Variants in MYLK4 observed in about 807,000 individuals in gnomAD.
MYLK4 encodes myosin light chain kinase family member 4.
In MYLK4, 46 loss-of-function variants were observed where a neutral mutation model predicts 48.1. The ratio of observed to expected loss-of-function variants is 0.96; its 90% confidence interval spans 0.75 to 1.22. The LOEUF (loss-of-function observed/expected upper bound fraction) is 1.22, where lower values mean the gene tolerates loss of function less well. Among genes scored for constraint, MYLK4 ranks in the 50% most tolerant of loss-of-function variants. The pLI is 0.00. For synonymous variants in MYLK4, 170 were observed against 180.8 expected, an observed-to-expected ratio of 0.94 and a Z score of 0.48; for missense variants, 451 against 486.1, an observed-to-expected ratio of 0.93 and a Z score of 0.68.
intron 2 of MYLK4, among the ~76,000 whole-genome samples, chr6:2,702,143 G>A (rs1020466841): frequency 5.9e-5 from 9 of 152,188 alleles, no homozygotes; most frequent in African/African-American, 1.9e-4. Flanking sequence ...CAGGACTCCC[G>A]CTGGAGCTCA....
the MYLK4 span, chr6:2,766,028 A>AG: frequency 7.6e-7 from 1 of 1,318,422 alleles, no homozygotes; most frequent in Non-Finnish European, 9.6e-7. Flanking sequence ...CAGCCCCGGG[A>AG]GGAAGGGGTC....
At chr6:2,722,557 T>A (rs1348228317) in intron 2 of MYLK4, among the ~76,000 whole-genome samples, 1 of 78,884 alleles carries the variant, frequency 1.3e-5, no homozygotes, top group Non-Finnish European at 2.9e-5. Flanking sequence ...GTGTGTGTGT[T>A]GGAGGTGGAA....
chr6:2,714,369 A>G (rs1270805788), intron 2 of MYLK4, among the ~76,000 whole-genome samples: 2 of 152,238 alleles, frequency 1.3e-5, no homozygotes, highest in Non-Finnish European at 1.5e-5. Flanking sequence ...CTTAATTTGC[A>G]TGTAATTGAA....
the MYLK4 span, chr6:2,768,614 G>C: frequency 7.8e-7 from 1 of 1,280,324 alleles, no homozygotes; most frequent in African/African-American, 1.5e-5. Flanking sequence ...GTGATGCTGC[G>C]TGTGGTGGTT....
At chr6:2,766,573 TG>T in the MYLK4 span, 2 of 1,382,248 alleles carry the variant, frequency 1.4e-6, no homozygotes, top group East Asian at 5.3e-5. Context: ...GGTGCAGACT[TG>T]GGCTGGGCTG....
chr6:2,684,761 A>G (rs1020924293), intron 6 of MYLK4, among the ~76,000 whole-genome samples: 5 of 152,212 alleles, frequency 3.3e-5, no homozygotes, highest in African/African-American at 9.6e-5. Context: ...TTATATGCAA[A>G]AGACTATGCC....
intron 11 of MYLK4, 39 bp from the exon 12 acceptor site, chr6:2,671,387 GT>G (rs747691599): frequency 1.9e-5 from 30 of 1,579,608 alleles, no homozygotes; most frequent in Non-Finnish European, 2.6e-5. Flanking sequence ...GATTAGGACT[GT>G]TTCCTTCAGG....
At chr6:2,755,190 T>C (rs145952365), upstream of MYLK4, among the ~76,000 whole-genome samples, 115 of 152,344 alleles carry the variant, frequency 7.5e-4, no homozygotes, top group African/African-American at 2.7e-3. Flanking sequence ...TCAGAAATAT[T>C]ACATAAAGTT....
At chr6:2,690,468 G>C (rs1270894302) in intron 3 of MYLK4, among the ~76,000 whole-genome samples, 1 of 152,152 alleles carries the variant, frequency 6.6e-6, no homozygotes, top group Non-Finnish European at 1.5e-5. Flanking sequence ...TCCAGTTGCA[G>C]CTCTCAAAGT....
In MYLK4 at chr6:2,735,691, A is replaced by G. The variant is rs1763645667; in HGVS notation, c.159+13445T>C. Among the ~76,000 whole-genome samples, 2 of 152,094 alleles carry G rather than the reference A, an allele frequency of 1.3e-5. 1 individual carries two copies. The highest frequency in any genetic ancestry group is 4.1e-4 in the South Asian group (2 of 4,822). On this transcript the variant is annotated intron_variant, in intron 2 of 12. Transcript: ENST00000274643. ...ATTTATCACACAGGGCCCCAAAACT[A>G]TGCACACACCTGGCTCAGCGTATGT...
chr6:2,757,605 T>TA, the MYLK4 span, among the ~76,000 whole-genome samples: 20,656 of 140,766 alleles, frequency 0.15, 1,612 homozygotes, highest in East Asian at 0.33. Flanking sequence ...GATACTTCCA[T>TA]AAAAAAAAAA....
intron 2 of MYLK4, among the ~76,000 whole-genome samples, chr6:2,714,659 G>A (rs971812852): frequency 1.3e-5 from 2 of 152,212 alleles, no homozygotes; most frequent in South Asian, 2.1e-4. Flanking sequence ...ATTTGTACAC[G>A]TGTGTTCATA....
the MYLK4 span, chr6:2,766,079 T>C: frequency 7.7e-7 from 1 of 1,298,364 alleles, no homozygotes; most frequent in Admixed American, 4.2e-5. Flanking sequence ...GGGGAGCGCG[T>C]CTCCGCGCAG....
the MYLK4 span, among the ~76,000 whole-genome samples, chr6:2,757,737 A>C: frequency 1.3e-5 from 2 of 152,272 alleles, no homozygotes; most frequent in Non-Finnish European, 2.9e-5. Flanking sequence ...AATACATAGC[A>C]GATGAATGAT....
chr6:2,680,145 G>T, intron 8 of MYLK4, 76 bp downstream of exon 8: 1 of 1,501,590 alleles, frequency 6.7e-7, no homozygotes. Context: ...GAGCAGATCA[G>T]ATATATGTTT....
At chr6:2,761,721 A>G in the MYLK4 span, among the ~76,000 whole-genome samples, 1 of 152,186 alleles carries the variant, frequency 6.6e-6, no homozygotes, top group Non-Finnish European at 1.5e-5. Context: ...AGGTTCTTGA[A>G]GTCAAGGTCT....
chr6:2,670,116 A>T (rs994036113), intron 12 of MYLK4, among the ~76,000 whole-genome samples: 27 of 152,344 alleles, frequency 1.8e-4, no homozygotes, highest in Non-Finnish European at 2.8e-4. Context: ...CTGTAATCCT[A>T]GCACTTTGGG....
chr6:2,716,338 G>A (rs369891933), intron 2 of MYLK4, among the ~76,000 whole-genome samples: 1 of 152,176 alleles, frequency 6.6e-6, no homozygotes, highest in African/African-American at 2.4e-5. Flanking sequence ...GTATGTAGTA[G>A]CTAGGAGCAG....
At chr6:2,723,039 C>G (rs750704830) in intron 2 of MYLK4, among the ~76,000 whole-genome samples, 2 of 152,028 alleles carry the variant, frequency 1.3e-5, no homozygotes, top group Non-Finnish European at 2.9e-5. Flanking sequence ...CACCTTCGAT[C>G]CCAGCACTTT....
Sources: allele counts gnomAD v4.1 joint callset (sites outside exome capture counted in the v4.1 genomes callset), GRCh38; gene constraint gnomAD v4.1.1; transcripts MANE v1.5; gene names NCBI Gene and HGNC (gene_info 2026-07-23, HGNC 2026-07-21).